THSD7B: variants seen among roughly 807,000 people sequenced by gnomAD.
THSD7B encodes the protein thrombospondin type-1 domain-containing protein 7B.
Under a neutral mutation model 213.6 loss-of-function variants are expected in THSD7B, and 138 were observed. The ratio of observed to expected loss-of-function variants is 0.65; its 90% CI spans 0.56 to 0.74. The LOEUF is 0.74. Ranked by LOEUF, THSD7B falls within the 30% of genes least tolerant of loss-of-function variation. THSD7B has a pLI of 0.00. For synonymous variants in THSD7B, 742 were observed against 687.0 expected (o/e 1.08, Z -1.25); for missense variants, 1,931 against 1,991.5 (o/e 0.97, Z 0.58).
chr2:137,557,477 T>C (rs13404654), intron 15 of THSD7B, among the ~76,000 whole-genome samples: 16,752 of 151,914 alleles, frequency 0.11, 1,702 homozygotes, highest in African/African-American at 0.26. Context: ...GGGTACATAA[T>C]GAAATGAAGG....
At chr2:137,640,434 C>A (rs1183130537) in intron 20 of THSD7B, among the ~76,000 whole-genome samples, 1 of 152,154 alleles carries the variant, frequency 6.6e-6, no homozygotes, top group Non-Finnish European at 1.5e-5. Context: ...CAACCACCAT[C>A]TAAAATTCCT....
chr2:136,932,434 A>AAGTCAAAAATCTGCTTTGCG (rs1684646598), intron 2 of THSD7B, among the ~76,000 whole-genome samples: 1 of 152,184 alleles, frequency 6.6e-6, no homozygotes, highest in Admixed American at 6.5e-5. Flanking sequence ...GGCCCCTGCG[A>AAGTCAAAAATCTGCTTTGCG]AGTCAAAAAT....
chr2:137,637,235 A>G (rs7601395), intron 20 of THSD7B, among the ~76,000 whole-genome samples: 57,734 of 152,044 alleles, frequency 0.38, 12,984 homozygotes, highest in African/African-American at 0.63. Flanking sequence ...ACTAACCTGG[A>G]AGGTGGCAGA....
At chr2:137,199,707 G>A (rs1446338082) in intron 7 of THSD7B, among the ~76,000 whole-genome samples, 1 of 152,066 alleles carries the variant, frequency 6.6e-6, no homozygotes, top group Non-Finnish European at 1.5e-5. Context: ...TTTTGCTTTT[G>A]ATAAGTAAGC....
intron 1 of THSD7B, among the ~76,000 whole-genome samples, chr2:136,847,403 A>G (rs987941137): frequency 3.9e-5 from 6 of 152,174 alleles, no homozygotes; most frequent in Non-Finnish European, 7.4e-5. Context: ...GGATAGGATT[A>G]CAGGCTCAGA....
chr2:136,898,579 G>GCC (rs112016812), intron 2 of THSD7B, among the ~76,000 whole-genome samples: 3,744 of 116,584 alleles, frequency 0.032, 113 homozygotes, highest in East Asian at 0.084. Context: ...TTGTCCCCCC[G>GCC]CCCCCCCGCC....
chr2:137,631,790 C>A (rs944876598), intron 20 of THSD7B, among the ~76,000 whole-genome samples: 1 of 152,078 alleles, frequency 6.6e-6, no homozygotes, highest in African/African-American at 2.4e-5. Flanking sequence ...AGAAACTCGA[C>A]GATCTGTGTT....
intron 12 of THSD7B, among the ~76,000 whole-genome samples, chr2:137,345,094 G>A (rs956981457): frequency 6.6e-6 from 1 of 151,626 alleles, no homozygotes; most frequent in Admixed American, 6.6e-5. Context: ...TAACCCTATA[G>A]TGAGGCATAG....
At chr2:137,037,077 T>C (rs1386292995) in intron 2 of THSD7B, among the ~76,000 whole-genome samples, 4 of 152,196 alleles carry the variant, frequency 2.6e-5, no homozygotes, top group African/African-American at 7.2e-5. Flanking sequence ...AGCTACTCCA[T>C]AATATTTTGC....
chr2:136,998,961 CCTG>C (rs907621356), intron 2 of THSD7B, among the ~76,000 whole-genome samples: 7 of 149,980 alleles, frequency 4.7e-5, no homozygotes, highest in African/African-American at 7.3e-5. Context: ...CACACACACC[CCTG>C]CTTTCTTTTT....
chr2:137,439,925 G>A (rs776453226), intron 14 of THSD7B, among the ~76,000 whole-genome samples: 2 of 152,088 alleles, frequency 1.3e-5, no homozygotes, highest in Non-Finnish European at 2.9e-5. Flanking sequence ...CATCTCTGAA[G>A]CTTACTGTGC....
At chr2:137,092,709 A>C (rs1315966237) in intron 3 of THSD7B, among the ~76,000 whole-genome samples, 2 of 152,074 alleles carry the variant, frequency 1.3e-5, no homozygotes, top group Admixed American at 1.3e-4. Flanking sequence ...GTCTCGGCTC[A>C]CTATAGCCCC....
intron 7 of THSD7B, among the ~76,000 whole-genome samples, chr2:137,199,615 C>T (rs1680836525): frequency 6.6e-6 from 1 of 152,076 alleles, no homozygotes; most frequent in Non-Finnish European, 1.5e-5. Flanking sequence ...AATTCCAATG[C>T]TCATTTTATG....
At chr2:137,464,420 CACA>C (rs1195591486) in intron 15 of THSD7B, among the ~76,000 whole-genome samples, 1 of 152,016 alleles carries the variant, frequency 6.6e-6, no homozygotes, top group African/African-American at 2.4e-5. Flanking sequence ...CCAAGAGAGA[CACA>C]TTATTAAGCC....
chr2:137,458,448 TC>T (rs747552111), intron 15 of THSD7B, among the ~76,000 whole-genome samples: 2 of 152,180 alleles, frequency 1.3e-5, no homozygotes, highest in Non-Finnish European at 2.9e-5. Context: ...ATGTTTCATC[TC>T]CTGTTACAAT....
At chr2:137,263,129 G>A (rs533885246) in intron 10 of THSD7B, among the ~76,000 whole-genome samples, 3 of 152,190 alleles carry the variant, frequency 2.0e-5, no homozygotes, top group Admixed American at 6.5e-5. Flanking sequence ...AGTGTGTTGC[G>A]TCTGCTACAG....
intron 2 of THSD7B, among the ~76,000 whole-genome samples, chr2:136,958,814 T>C (rs184335745): frequency 1.3e-5 from 2 of 152,158 alleles, no homozygotes; most frequent in African/African-American, 4.8e-5. Context: ...GACCAAGCAA[T>C]CTAATAGTCA....
chr2:137,382,414 T>G (rs541389185), intron 12 of THSD7B, among the ~76,000 whole-genome samples: 1 of 152,212 alleles, frequency 6.6e-6, no homozygotes, highest in African/African-American at 2.4e-5. Flanking sequence ...GAGCAGGATG[T>G]GCATGTGACA....
intron 1 of THSD7B, among the ~76,000 whole-genome samples, chr2:136,850,064 A>C (rs1311378293): frequency 3.3e-5 from 5 of 152,106 alleles, no homozygotes; most frequent in Non-Finnish European, 4.4e-5. Flanking sequence ...ATGCTTTTAT[A>C]AAATATATTT....
Sources: allele counts gnomAD v4.1 joint callset (sites outside exome capture counted in the v4.1 genomes callset), GRCh38; gene constraint gnomAD v4.1.1; transcripts MANE v1.5; gene names NCBI Gene and HGNC (gene_info 2026-07-23, HGNC 2026-07-21).